Variants in KLHL29 observed in about 807,000 individuals in gnomAD.
The protein encoded by KLHL29 is kelch-like protein 29.
A neutral mutation model predicts 80.4 loss-of-function variants in KLHL29; 21 were observed. The observed-to-expected ratio is 0.26, with a 90% CI of 0.19 to 0.38. The LOEUF is 0.38. KLHL29 is among the 10% of genes least tolerant of loss of function. The pLI is 1.00. For synonymous variants in KLHL29, 511 were observed against 526.8 expected (o/e 0.97, Z 0.41); for missense variants, 867 against 1,223.9 (o/e 0.71, Z 4.35).
intron 3 of KLHL29, among the ~76,000 whole-genome samples, chr2:23,636,918 C>G (rs1669627712): frequency 6.6e-6 from 1 of 152,094 alleles, no homozygotes; most frequent in Non-Finnish European, 1.5e-5. Flanking sequence ...GGGCAAGTTT[C>G]CAGAAGCTTC....
At chr2:23,460,778 G>A (rs1459288969) in intron 1 of KLHL29, among the ~76,000 whole-genome samples, 3 of 151,156 alleles carry the variant, frequency 2.0e-5, no homozygotes, top group African/African-American at 4.9e-5. Flanking sequence ...TGCAAACTCA[G>A]GAGCTTCCCG....
intron 7 of KLHL29, among the ~76,000 whole-genome samples, chr2:23,692,894 A>G (rs1671710509): frequency 1.3e-5 from 2 of 152,156 alleles, no homozygotes; most frequent in Non-Finnish European, 1.5e-5. Flanking sequence ...CTGGCACAAC[A>G]TGGAAGATGC....
At chr2:23,671,699 A>AC (rs1250091016) in intron 5 of KLHL29, among the ~76,000 whole-genome samples, 1 of 151,904 alleles carries the variant, frequency 6.6e-6, no homozygotes, top group East Asian at 1.9e-4. Context: ...GCTCCCTAGG[A>AC]CCCCCAGTGG....
chr2:23,465,620 C>T (rs1301250887), intron 1 of KLHL29, among the ~76,000 whole-genome samples: 1 of 152,190 alleles, frequency 6.6e-6, no homozygotes, highest in Admixed American at 6.5e-5. Context: ...TTTCTCCTGT[C>T]CTGTCTCATA....
rs115329524 is a variant in KLHL29, at chr2:23,434,574, G to A, written c.-153-40986G>A. ...GATTTCAAACTTGGGCCTTGTAGAC[G>A]GGAAGAAAGAAAGAAGAGACATTGA... On this transcript the variant is annotated intron_variant, in intron 1 of 13. Coordinates refer to ENST00000486442, the MANE Select transcript of KLHL29 (RefSeq NM_052920.2). 5.6e-3 allele frequency among the ~76,000 whole-genome samples: 860 copies of A among 152,248 alleles called. 5 individuals are homozygous for A. The highest frequency in any genetic ancestry group is 0.018 in the African/African-American group (739 of 41,534).
At chr2:23,623,134 G>A (rs943999928) in intron 3 of KLHL29, among the ~76,000 whole-genome samples, 1 of 152,154 alleles carries the variant, frequency 6.6e-6, no homozygotes, top group East Asian at 1.9e-4. Flanking sequence ...CCCTGATCTC[G>A]GGTCTTAGAC....
intron 2 of KLHL29, among the ~76,000 whole-genome samples, chr2:23,529,101 A>T (rs1666416784): frequency 6.6e-6 from 1 of 152,200 alleles, no homozygotes; most frequent in South Asian, 2.1e-4. Flanking sequence ...CTGGCTGAAA[A>T]GCCCCTTTTT....
intron 1 of KLHL29, among the ~76,000 whole-genome samples, chr2:23,433,428 G>A (rs1048494341): frequency 5.3e-5 from 8 of 152,184 alleles, no homozygotes; most frequent in Non-Finnish European, 8.8e-5. Flanking sequence ...GGGAGGAGGG[G>A]CAGGGAGTGG....
chr2:23,596,560 G>A lies in KLHL29; in HGVS notation c.285+34079G>A, dbSNP rs1668397949. Among the ~76,000 whole-genome samples the A allele has an allele frequency of 2.0e-5, 3 of 152,162 alleles. No homozygotes were observed. Among genetic ancestry groups the A allele is most frequent in the African/African-American group, 7.2e-5 (3 of 41,430 alleles). ...AGTCTAAACAGAAAATAGACCTCAC[G>A]CTGAGTCATCCTTCTCCATAATGGA... On this transcript the variant is annotated intron_variant, in intron 3 of 13. Coordinates refer to ENST00000486442, the MANE Select transcript of KLHL29 (RefSeq NM_052920.2). The surrounding 1 kb of genome is among the most constrained non-coding windows in gnomAD (Gnocchi z 4.4).
chr2:23,669,354 TG>T lies in KLHL29; in HGVS notation c.941-15044del, dbSNP rs1670643423. Reference sequence around the variant, plus strand: ...CAGCTGATCTTACCGAATGGGTAGATGTTTTCTGAACGAGGGCGAAGGAATT... The same window carrying T: ...CAGCTGATCTTACCGAATGGGTAGATTTTTCTGAACGAGGGCGAAGGAATT... On this transcript the variant is annotated intron_variant, in intron 5 of 13. Transcript: ENST00000486442. This position sits in a 1 kb window ranked among gnomAD's most constrained non-coding sequence, Gnocchi z 4.3. The T allele has an allele frequency of 6.6e-6, 1 of 152,160 alleles. No individual in the cohort carries two copies. Among genetic ancestry groups the T allele is most frequent in the African/African-American group, 2.4e-5 (1 of 41,442 alleles). The allele number at this position is 152,160 out of a possible 1,614,324, so 9.4% of individuals were successfully genotyped here. A position where few individuals can be genotyped will look rare whatever the true frequency, so the allele number is the denominator to read the frequency against.
At chr2:23,494,932 C>T (rs1441060431) in intron 2 of KLHL29, among the ~76,000 whole-genome samples, 6 of 152,222 alleles carry the variant, frequency 3.9e-5, no homozygotes, top group East Asian at 3.8e-4. Context: ...GTGCTCCTTT[C>T]GTCGCCGTAA....
intron 1 of KLHL29, among the ~76,000 whole-genome samples, chr2:23,456,291 C>G (rs1193210780): frequency 3.9e-5 from 6 of 152,194 alleles, no homozygotes; most frequent in African/African-American, 1.4e-4. Context: ...GGCCCTGGGC[C>G]CTTGGTGCAA....
At chr2:23,679,444 T>C (rs77669541) in intron 5 of KLHL29, among the ~76,000 whole-genome samples, 5,002 of 152,268 alleles carry the variant, frequency 0.033, 103 homozygotes, top group South Asian at 0.09. Context: ...TGAGTGAAAG[T>C]GAGCAAAGCT....
chr2:23,515,784 G>A (rs1665903199), intron 2 of KLHL29, among the ~76,000 whole-genome samples: 1 of 152,106 alleles, frequency 6.6e-6, no homozygotes, highest in Non-Finnish European at 1.5e-5. Flanking sequence ...TTCATAGGCG[G>A]CTCCCCAAAG....
rs1189411766 is a variant in KLHL29, at chr2:23,454,686, C to T, written c.-153-20874C>T. On this transcript the variant is annotated intron_variant, in intron 1 of 13. Transcript: ENST00000486442. ...TCGTTATTTCATTTGCACAGTCTCT[C>T]GTGACTGCTAAGCACTCTGCTTGTA... 4.6e-5 allele frequency among the ~76,000 whole-genome samples: 7 copies of T among 152,124 alleles called. No homozygotes were observed. The East Asian group carries it at 7.7e-4, about 17-fold the overall frequency.
At chr2:23,527,057 A>G (rs1337636233) in intron 2 of KLHL29, among the ~76,000 whole-genome samples, 1 of 152,118 alleles carries the variant, frequency 6.6e-6, no homozygotes, top group Non-Finnish European at 1.5e-5. Flanking sequence ...CTAGGAAGCT[A>G]GGATGGGGAG....
chr2:23,566,005 G>A (rs1667581981), intron 3 of KLHL29, among the ~76,000 whole-genome samples: 1 of 152,244 alleles, frequency 6.6e-6, no homozygotes, highest in Admixed American at 6.5e-5. Flanking sequence ...GGCAGGGGCC[G>A]GCTTCTGCCA....
At chr2:23,636,018 C>A (rs1669598227) in intron 3 of KLHL29, among the ~76,000 whole-genome samples, 2 of 152,240 alleles carry the variant, frequency 1.3e-5, no homozygotes, top group Admixed American at 1.3e-4. Flanking sequence ...TGCAGACATT[C>A]TGAACCATGG....
chr2:23,395,950 T>C (rs1180326602), intron 1 of KLHL29, among the ~76,000 whole-genome samples: 5 of 152,106 alleles, frequency 3.3e-5, no homozygotes, highest in African/African-American at 1.2e-4. Context: ...TCCTGACAGA[T>C]TGGTGATGTA....
Sources: allele counts gnomAD v4.1 joint callset (sites outside exome capture counted in the v4.1 genomes callset), GRCh38; gene constraint gnomAD v4.1.1; non-coding constraint Gnocchi (gnomAD v3.1); transcripts MANE v1.5; gene names NCBI Gene and HGNC (gene_info 2026-07-23, HGNC 2026-07-21).